The following SCHIP1 variants were observed in gnomAD, a reference collection of about 807,000 sequenced individuals.
The protein encoded by SCHIP1 is schwannomin-interacting protein 1.
Under a neutral mutation model 29.7 loss-of-function variants are expected in SCHIP1, and 8 were observed. The observed-to-expected ratio is 0.27, with a 90% CI of 0.16 to 0.49. The LOEUF is 0.49. Ranked by LOEUF, SCHIP1 falls within the 20% of genes least tolerant of loss-of-function variation. The probability of loss-of-function intolerance (pLI) is 0.99; values close to 1 mark genes in which losing one functional copy is unlikely to be tolerated. For missense variants in SCHIP1, 193 were observed against 294.6 expected (o/e 0.66, Z 2.52); for synonymous variants, 76 against 94.9 (o/e 0.80, Z 1.16).
the SCHIP1 span, among the ~76,000 whole-genome samples, chr3:159,653,980 T>C: frequency 2.6e-4 from 40 of 152,342 alleles, no homozygotes; most frequent in African/African-American, 9.6e-4. Flanking sequence ...GAGTCTAGTC[T>C]CAGATTTTGC....
chr3:159,687,053 CCT>C, the SCHIP1 span, among the ~76,000 whole-genome samples: 1 of 152,132 alleles, frequency 6.6e-6, no homozygotes, highest in Non-Finnish European at 1.5e-5. Flanking sequence ...TTCTTTATGT[CCT>C]CTGATTTGTA....
chr3:159,815,977 C>T, the SCHIP1 span, among the ~76,000 whole-genome samples: 1 of 64,276 alleles, frequency 1.6e-5, no homozygotes, highest in African/African-American at 6.1e-5. Context: ...GAGACAGCAT[C>T]TCTCTCTGTC....
chr3:159,543,667 G>A, the SCHIP1 span, among the ~76,000 whole-genome samples: 63 of 151,720 alleles, frequency 4.2e-4, no homozygotes, highest in Admixed American at 2.2e-3. Context: ...GAATAGTGCC[G>A]CAATAAACAT....
the SCHIP1 span, among the ~76,000 whole-genome samples, chr3:159,817,179 G>A: frequency 2.6e-5 from 4 of 152,088 alleles, no homozygotes; most frequent in African/African-American, 9.7e-5. Flanking sequence ...ATAAAACTAA[G>A]CTAATAGTGA....
chr3:159,696,453 T>A, the SCHIP1 span, among the ~76,000 whole-genome samples: 16 of 152,340 alleles, frequency 1.1e-4, no homozygotes, highest in African/African-American at 3.6e-4. Context: ...CATGTATTCC[T>A]TGAACCCCAC....
At chr3:159,572,013 C>G in the SCHIP1 span, among the ~76,000 whole-genome samples, 7 of 152,138 alleles carry the variant, frequency 4.6e-5, 1 homozygote, top group African/African-American at 1.7e-4. Context: ...TGATTCTTCT[C>G]TCTTTTCTTC....
the SCHIP1 span, among the ~76,000 whole-genome samples, chr3:159,455,564 A>G: frequency 1.3e-5 from 2 of 152,372 alleles, no homozygotes; most frequent in African/African-American, 4.8e-5. Context: ...GAGAAAAATC[A>G]CTGTGGGAAT....
the SCHIP1 span, among the ~76,000 whole-genome samples, chr3:159,812,641 G>T: frequency 6.6e-6 from 1 of 152,100 alleles, no homozygotes; most frequent in Non-Finnish European, 1.5e-5. Context: ...GAAATTAATT[G>T]TATTCTATTT....
At chr3:159,276,826 A>G in the SCHIP1 span, among the ~76,000 whole-genome samples, 1 of 152,074 alleles carries the variant, frequency 6.6e-6, no homozygotes, top group East Asian at 1.9e-4. Flanking sequence ...AATGGATTTT[A>G]CTCTCCCCCA....
intron 1 of SCHIP1, among the ~76,000 whole-genome samples, chr3:159,841,850 G>A (rs1358480108): frequency 2.0e-5 from 3 of 152,172 alleles, no homozygotes; most frequent in Admixed American, 6.5e-5. Flanking sequence ...TATTGGTTGG[G>A]TAATAATGGT....
intron 1 of SCHIP1, chr3:159,853,562 C>A: frequency 3.9e-6 from 2 of 517,056 alleles, no homozygotes; most frequent in Non-Finnish European, 6.8e-6. Flanking sequence ...GTGGCTATTG[C>A]CATAATATAG....
the SCHIP1 span, among the ~76,000 whole-genome samples, chr3:159,298,903 G>GT: frequency 6.6e-5 from 10 of 152,182 alleles, no homozygotes; most frequent in Admixed American, 4.6e-4. Context: ...ATTTTGGAGA[G>GT]TTTTTTGTTT....
the SCHIP1 span, among the ~76,000 whole-genome samples, chr3:159,645,160 T>C: frequency 6.6e-6 from 1 of 152,114 alleles, no homozygotes; most frequent in African/African-American, 2.4e-5. Flanking sequence ...TAGAAATTCT[T>C]AAGAAGGCAA....
intron 1 of SCHIP1, among the ~76,000 whole-genome samples, chr3:159,844,286 T>C (rs968229476): frequency 1.3e-5 from 2 of 152,230 alleles, no homozygotes; most frequent in Non-Finnish European, 2.9e-5. Context: ...GTTTCGCTGC[T>C]ACCAAGAGCC....
At chr3:159,711,360 CAAAAAAAAAAAAAAAAAA>C in the SCHIP1 span, among the ~76,000 whole-genome samples, 53 of 6,750 alleles carry the variant, frequency 7.9e-3, 1 homozygote, top group East Asian at 0.11. Context: ...GACTCCGTCT[CAAAAAAAAAAAAAAAAAA>C]AAAAAAAAAA....
At chr3:159,391,891 T>C in the SCHIP1 span, among the ~76,000 whole-genome samples, 3 of 152,230 alleles carry the variant, frequency 2.0e-5, no homozygotes, top group Admixed American at 1.3e-4. Context: ...AACAGCCAGA[T>C]GCAAATCCAT....
the SCHIP1 span, among the ~76,000 whole-genome samples, chr3:159,583,823 C>T: frequency 1.3e-5 from 2 of 152,110 alleles, no homozygotes; most frequent in Non-Finnish European, 2.9e-5. Context: ...ATTCACTGCC[C>T]AGTTGTCCTC....
At chr3:159,721,848 AG>A in the SCHIP1 span, 1 of 402,470 alleles carries the variant, frequency 2.5e-6, no homozygotes, top group East Asian at 7.0e-5. Context: ...ATTGATGCTG[AG>A]GTCCACCTTG....
the SCHIP1 span, among the ~76,000 whole-genome samples, chr3:159,759,007 A>G: frequency 6.6e-6 from 1 of 152,202 alleles, no homozygotes; most frequent in African/African-American, 2.4e-5. Flanking sequence ...CCTGGTTTCA[A>G]GTTTGGAAAA....
Sources: gnomAD v4.1 joint callset for allele counts (sites outside exome capture counted in the v4.1 genomes callset) on GRCh38, gnomAD v4.1.1 for gene constraint, MANE v1.5 for transcripts, NCBI Gene and HGNC (gene_info 2026-07-23, HGNC 2026-07-21) for gene names.